The following GIT2 variants were observed in gnomAD, a reference collection of about 807,000 sequenced individuals.
The protein encoded by GIT2 is ARF GTPase-activating protein GIT2.
Under a neutral mutation model 100.3 loss-of-function variants are expected in GIT2, and 32 were observed. The ratio of observed to expected loss-of-function variants is 0.32; its 90% CI spans 0.24 to 0.43. GIT2 has a LOEUF of 0.43. Ranked by LOEUF, GIT2 falls within the 20% of genes least tolerant of loss-of-function variation. The probability of loss-of-function intolerance (pLI) is 1.00; values close to 1 mark genes in which losing one functional copy is unlikely to be tolerated. For synonymous variants in GIT2, 353 were observed against 364.1 expected (o/e 0.97, Z 0.35); for missense variants, 737 against 975.1 (o/e 0.76, Z 3.25).
At chr12:109,980,637 T>C (rs1380381389) in intron 7 of GIT2, among the ~76,000 whole-genome samples, 1 of 152,178 alleles carries the variant, frequency 6.6e-6, no homozygotes, top group Non-Finnish European at 1.5e-5. Flanking sequence ...ATTGCTTTGC[T>C]CCTACATTCC....
At chr12:109,937,641 G>A (rs949631323) in intron 18 of GIT2, among the ~76,000 whole-genome samples, 1 of 152,214 alleles carries the variant, frequency 6.6e-6, no homozygotes, top group Non-Finnish European at 1.5e-5. Flanking sequence ...CACAGGACGT[G>A]CTTCTAGTCA....
At chr12:109,950,467 T>G (rs1462047750) in intron 14 of GIT2, among the ~76,000 whole-genome samples, 1 of 152,110 alleles carries the variant, frequency 6.6e-6, no homozygotes, top group Middle Eastern at 3.2e-3. Flanking sequence ...TCATAAGGAG[T>G]TGCATACACA....
intron 7 of GIT2, among the ~76,000 whole-genome samples, chr12:109,975,960 C>T (rs1884932497): frequency 6.6e-6 from 1 of 151,798 alleles, no homozygotes; most frequent in South Asian, 2.1e-4. Flanking sequence ...TTAGAAGAGA[C>T]AGGGTTTCAC....
In GIT2 at chr12:109,996,337, C is replaced by A; in HGVS notation, c.-113G>T. On this transcript the variant is annotated 5_prime_UTR_variant, in exon 1 of 20. Transcript: ENST00000355312. ...AGCTGCGGCGGCGCTGACGGCGGCGCCTCTCCCCTCAGCGCCTTGCAGCCT... is the reference window on the plus strand; with the variant it reads ...AGCTGCGGCGGCGCTGACGGCGGCGACTCTCCCCTCAGCGCCTTGCAGCCT... 2.9e-6 allele frequency: 2 copies of A among 694,240 alleles called. No homozygotes were observed. The highest frequency in any genetic ancestry group is 3.2e-5 in the Admixed American group (1 of 31,658). The allele number at this position is 694,240 out of a possible 1,614,324, so 43.0% of individuals were successfully genotyped here.
intron 12 of GIT2, among the ~76,000 whole-genome samples, chr12:109,958,583 G>A (rs1415324215): frequency 6.6e-6 from 1 of 152,120 alleles, no homozygotes; most frequent in Non-Finnish European, 1.5e-5. Flanking sequence ...TCTTGTCACT[G>A]TGCCTTCACC....
chr12:109,961,531 G>T, intron 10 of GIT2, 82 bp downstream of exon 10: 1 of 986,780 alleles, frequency 1.0e-6, no homozygotes. Flanking sequence ...AGCAGAAATT[G>T]GACTAGTAAA....
intron 7 of GIT2, among the ~76,000 whole-genome samples, chr12:109,977,733 A>G (rs1885399384): frequency 6.6e-6 from 1 of 151,096 alleles, no homozygotes; most frequent in Non-Finnish European, 1.5e-5. Context: ...GAGGCAAGAG[A>G]ATCGCTTGAA....
chr12:109,939,121 C>A, intron 17 of GIT2, 44 bp downstream of exon 17: 1 of 1,173,092 alleles, frequency 8.5e-7, no homozygotes, highest in Non-Finnish European at 1.3e-6. Flanking sequence ...AGGTCTCTGG[C>A]CCTGGGGAGC....
chr12:109,997,756 T>G (rs575316855), upstream of GIT2: 2 of 152,370 alleles, frequency 1.3e-5, no homozygotes, highest in Non-Finnish European at 2.9e-5. Context: ...GATATTGCTA[T>G]TATTTTCTAA....
intron 13 of GIT2, 80 bp downstream of exon 13, chr12:109,953,012 C>A (rs1878345970): frequency 4.2e-6 from 6 of 1,429,278 alleles, no homozygotes; most frequent in Admixed American, 3.8e-5. Flanking sequence ...ACAAACCCAA[C>A]CTCACTGCAC....
Position 109,947,175 on chromosome 12 carries a change from G to A in GIT2, c.1641+81C>T. ...TCCAATTTGGCAAAGCAGAGCTGTG[G>A]GGACCTGTAGGTTCAGAAGAGGGAA... On this transcript the variant is annotated intron_variant, in intron 15 of 19. Coordinates refer to ENST00000355312, the MANE Select transcript of GIT2 (RefSeq NM_057169.5). This position sits in a 1 kb window ranked among gnomAD's most constrained non-coding sequence, Gnocchi z 4.3. 2.2e-6 allele frequency: 3 copies of A among 1,373,434 alleles called. No homozygotes were observed. In the South Asian group the frequency reaches 4.0e-5, roughly 18 times the overall value. 85.1% of individuals were successfully genotyped at this position (1,373,434 alleles called of 1,614,324 possible).
chr12:109,983,449 C>T lies in GIT2; in HGVS notation c.547G>A (p.Ala183Thr). Residue 183 changes from alanine (A) to threonine (T), a missense_variant, in exon 6 of 20, where the codon GCT becomes ACT. This residue lies in a region of GIT2 where 266 missense variants were observed against 376.2 expected (regional missense o/e 0.71). Coordinates refer to ENST00000355312, the MANE Select transcript of GIT2 (RefSeq NM_057169.5). ...GCTCCATATACTGCCAATAATTCAG[C>T]CTGTAAAATCTGCCCTGCTTTGGAG... ...VASKAGQILQ[A>T]ELLAVYGADP... 6.2e-7 allele frequency: 1 copy of T among 1,613,338 alleles called. No individual in the cohort carries two copies. Among genetic ancestry groups the T allele is most frequent in the Non-Finnish European group, 8.5e-7 (1 of 1,179,322 alleles).
Position 109,933,952 on chromosome 12 carries a change from A to G in GIT2, c.2067+70T>C. ...TGCTACAAAAAAGCTAATGTAATAT[A>G]TAGGTCATAAAGAAATTTCTTGCTG... On this transcript the variant is annotated intron_variant, in intron 19 of 19. Transcript: ENST00000355312. The surrounding 1 kb of genome is among the most constrained non-coding windows in gnomAD (Gnocchi z 4.5). 1 of 856,120 alleles carries G rather than the reference A, an allele frequency of 1.2e-6. No individual in the cohort carries two copies. The allele number at this position is 856,120 out of a possible 1,614,324, so 53.0% of individuals were successfully genotyped here. A position where few individuals can be genotyped will look rare whatever the true frequency, so the allele number is the denominator to read the frequency against.
chr12:109,939,270 T>A (rs773396238), intron 16 of GIT2, 23 bp from the exon 17 acceptor site: 9 of 1,402,450 alleles, frequency 6.4e-6, no homozygotes, highest in Non-Finnish European at 9.1e-6. Context: ...AGAGGGACCC[T>A]CATGAGTTTG....
At chr12:109,989,835 T>C (rs1242821142) in intron 2 of GIT2, 33 bp from the exon 3 acceptor site, 2 of 1,118,594 alleles carry the variant, frequency 1.8e-6, no homozygotes, top group Non-Finnish European at 1.4e-6. Flanking sequence ...AAGACTTTAA[T>C]TTCTTTTCAC....
chr12:109,968,657 A>G (rs1286853360), intron 7 of GIT2, among the ~76,000 whole-genome samples: 2 of 152,150 alleles, frequency 1.3e-5, no homozygotes, highest in Non-Finnish European at 2.9e-5. Context: ...TCCTGACCTC[A>G]GGTGATCTGC....
Position 109,948,195 on chromosome 12 carries a change from G to T in GIT2, c.1393-691C>A. 2 of 984,184 alleles carry T rather than the reference G, an allele frequency of 2.0e-6. No homozygotes were observed. The highest frequency in any genetic ancestry group is 2.4e-6 in the Non-Finnish European group (2 of 828,798). 61.0% of individuals were successfully genotyped at this position (984,184 alleles called of 1,614,324 possible). A position where few individuals can be genotyped will look rare whatever the true frequency, so the allele number is the denominator to read the frequency against. ...ATATTAACATATCACGAAGAAAACT[G>T]GAAACCTATTGATCTATGGAATTGA... On this transcript the variant is annotated intron_variant, in intron 14 of 19. Transcript: ENST00000355312. The surrounding 1 kb of genome is among the most constrained non-coding windows in gnomAD (Gnocchi z 4.3).
In GIT2 at chr12:109,932,757, A is replaced by G. The variant is rs1871864480; in HGVS notation, c.*221T>C. ...ACAGTTGTTGACAACACAACCGAAC[A>G]TCAGAAACTAAACCAGCAAATAGGC... On this transcript the variant is annotated 3_prime_UTR_variant, in exon 20 of 20. Coordinates refer to ENST00000355312, the MANE Select transcript of GIT2 (RefSeq NM_057169.5). The G allele has an allele frequency of 3.9e-6, 2 of 515,104 alleles. No individual in the cohort carries two copies. Among genetic ancestry groups the G allele is most frequent in the Non-Finnish European group, 7.0e-6 (2 of 285,876 alleles). The allele number at this position is 515,104 out of a possible 1,614,324, so 31.9% of individuals were successfully genotyped here. A position where few individuals can be genotyped will look rare whatever the true frequency, so the allele number is the denominator to read the frequency against.
At chr12:109,939,375 A>T in intron 16 of GIT2, 128 bp from the exon 17 acceptor site, 1 of 622,718 alleles carries the variant, frequency 1.6e-6, no homozygotes, top group Non-Finnish European at 3.0e-6. Flanking sequence ...ACAGGGGACA[A>T]CTCTCTAGTG....
Sources: gnomAD v4.1 joint callset for allele counts (sites outside exome capture counted in the v4.1 genomes callset) on GRCh38, gnomAD v4.1.1 for gene constraint, gnomAD v4.1.1 regional missense constraint, Gnocchi (gnomAD v3.1) non-coding constraint, MANE v1.5 for transcripts, NCBI Gene and HGNC (gene_info 2026-07-23, HGNC 2026-07-21) for gene names.